ERICH3: variants seen among roughly 807,000 people sequenced by gnomAD.
ERICH3 encodes the protein glutamate-rich protein 3.
A neutral mutation model predicts 131.1 loss-of-function variants in ERICH3; 126 were observed. That is an observed-to-expected ratio of 0.96 (90% CI 0.83 to 1.11). ERICH3 has a LOEUF of 1.11. Ranked by LOEUF, ERICH3 falls within the 50% of genes most tolerant of loss-of-function variation. The pLI is 0.00. For missense variants in ERICH3, 2,050 were observed against 1,810.7 expected (o/e 1.13, Z -2.40); for synonymous variants, 695 against 644.6 (o/e 1.08, Z -1.18).
At position 74,571,690 on chromosome 1, in the gene ERICH3, C is replaced by T. The variant is rs566475800; in HGVS notation, c.4020G>A (p.Val1340=). Reference sequence around the variant, plus strand: ...TTTCACCACCTCCGTGTAGAACTTCCACAGCCACAACCCTTCCTCCTCCCA... The same window carrying T: ...TTTCACCACCTCCGTGTAGAACTTCTACAGCCACAACCCTTCCTCCTCCCA... ...EGMGGGRVVA[V]EVLHGGGETA... Residue 1340 remains valine, a synonymous_variant, in exon 14 of 15, where the codon GTG becomes GTA. Transcript: ENST00000326665. The T allele has an allele frequency of 6.2e-7, 1 of 1,614,064 alleles. No homozygotes were observed. The highest frequency in any genetic ancestry group is 8.5e-7 in the Non-Finnish European group (1 of 1,180,012).
intron 1 of ERICH3, among the ~76,000 whole-genome samples, chr1:74,660,182 A>G (rs1304100509): frequency 1.3e-5 from 2 of 151,994 alleles, no homozygotes; most frequent in Non-Finnish European, 2.9e-5. Context: ...TCCTGCCACC[A>G]TGTGAGGAAG....
At chr1:74,600,128 G>A (rs1648059355) in intron 10 of ERICH3, among the ~76,000 whole-genome samples, 197 bp from the exon 11 acceptor site, 1 of 151,644 alleles carries the variant, frequency 6.6e-6, no homozygotes, top group East Asian at 1.9e-4. Flanking sequence ...ATACACAAGA[G>A]CACAAAAGAA....
At chr1:74,575,906 T>C (rs1647044229) in intron 13 of ERICH3, among the ~76,000 whole-genome samples, 1 of 151,222 alleles carries the variant, frequency 6.6e-6, no homozygotes, top group Admixed American at 6.6e-5. Context: ...TTCTAAGAAA[T>C]ATTAGTATAA....
At chr1:74,643,613 A>G (rs1646454883) in intron 3 of ERICH3, among the ~76,000 whole-genome samples, 1 of 152,156 alleles carries the variant, frequency 6.6e-6, no homozygotes, top group South Asian at 2.1e-4. Flanking sequence ...CAGAAATACA[A>G]TTTAATTTAT....
intron 7 of ERICH3, among the ~76,000 whole-genome samples, chr1:74,621,227 C>A (rs939810952): frequency 2.0e-5 from 3 of 151,980 alleles, no homozygotes; most frequent in African/African-American, 7.2e-5. Context: ...TTATATATAG[C>A]AAAAATTTCA....
At chr1:74,663,980 A>G (rs1399131708) in intron 1 of ERICH3, among the ~76,000 whole-genome samples, 1 of 152,150 alleles carries the variant, frequency 6.6e-6, no homozygotes, top group Non-Finnish European at 1.5e-5. Context: ...AAAGATGTAG[A>G]CAGGTATGGT....
At position 74,571,259 on chromosome 1, in the gene ERICH3, C is replaced by T; in HGVS notation, c.4451G>A (p.Arg1484Lys). ...FRLGLSREGE[R>K]ELSPESLQAM... ...CTGTAGACTCTCCGGACTCAATTCC[C>T]TCTCTCCCTCCCGTGATAATCCTAA... The change falls in exon 14 of 15, where the codon AGG becomes AAG. Residue 1484 changes from arginine (R) to lysine (K), a missense_variant. Transcript: ENST00000326665. 1 of 1,614,072 alleles carries T rather than the reference C, an allele frequency of 6.2e-7. No homozygotes were observed. The highest frequency in any genetic ancestry group is 8.5e-7 in the Non-Finnish European group (1 of 1,179,996).
At chr1:74,634,697 C>T in intron 6 of ERICH3, 1 of 714,458 alleles carries the variant, frequency 1.4e-6, no homozygotes. Flanking sequence ...CATCCAAGTA[C>T]TATCTAGGGG....
At chr1:74,634,155 T>G (rs775835013) in intron 6 of ERICH3, among the ~76,000 whole-genome samples, 3 of 152,122 alleles carry the variant, frequency 2.0e-5, no homozygotes, top group Non-Finnish European at 4.4e-5. Flanking sequence ...TAAGAGCTTC[T>G]TGTCTGATTT....
chr1:74,602,143 T>C (rs1338746721), intron 10 of ERICH3, among the ~76,000 whole-genome samples: 3 of 151,848 alleles, frequency 2.0e-5, no homozygotes, highest in Non-Finnish European at 2.9e-5. Context: ...AGTTATATAA[T>C]TGAGGCACAG....
chr1:74,673,840 T>C (rs912276364), upstream of ERICH3: 2 of 314,138 alleles, frequency 6.4e-6, no homozygotes, highest in Non-Finnish European at 1.1e-5. Flanking sequence ...TCTACCCCTT[T>C]TTCTGGGCCC....
chr1:74,597,158 C>A (rs1469092469), intron 11 of ERICH3, among the ~76,000 whole-genome samples: 1 of 152,084 alleles, frequency 6.6e-6, no homozygotes, highest in East Asian at 1.9e-4. Context: ...AGGAATCCAT[C>A]ATGTCATTAT....
At chr1:74,666,687 CT>C (rs1327957847) in intron 1 of ERICH3, among the ~76,000 whole-genome samples, 1 of 152,142 alleles carries the variant, frequency 6.6e-6, no homozygotes, top group African/African-American at 2.4e-5. Flanking sequence ...CAAATGACTT[CT>C]GCTGTGCTGG....
chr1:74,643,107 A>G lies in ERICH3; in HGVS notation c.244-9T>C. ...TCAAGCTGATGGTAACGCTAAGCAT[A>G]CAGGAAAGAATAAAGGAGAGAATCA... On this transcript the variant is annotated splice_polypyrimidine_tract_variant and intron_variant, in intron 3 of 14. Coordinates refer to ENST00000326665, the MANE Select transcript of ERICH3 (RefSeq NM_001002912.5). The G allele has an allele frequency of 6.2e-7, 1 of 1,603,892 alleles. No homozygotes were observed.
chr1:74,669,861 G>T (rs752336853), intron 1 of ERICH3, among the ~76,000 whole-genome samples: 2 of 152,286 alleles, frequency 1.3e-5, no homozygotes, highest in Non-Finnish European at 2.9e-5. Context: ...TTGATTGGTG[G>T]CATTTGAGGG....
intron 12 of ERICH3, among the ~76,000 whole-genome samples, chr1:74,583,505 C>G (rs1166999909): frequency 2.0e-5 from 3 of 152,038 alleles, no homozygotes; most frequent in African/African-American, 4.8e-5. Context: ...TTCTCTCTCT[C>G]TCTGTCTGTC....
chr1:74,669,817 G>A (rs1202716240), intron 1 of ERICH3, among the ~76,000 whole-genome samples: 1 of 152,200 alleles, frequency 6.6e-6, no homozygotes, highest in African/African-American at 2.4e-5. Context: ...GAAATCAAAG[G>A]AAGCACTAAG....
intron 9 of ERICH3, among the ~76,000 whole-genome samples, chr1:74,611,517 G>A (rs902284778): frequency 1.5e-4 from 23 of 151,952 alleles, no homozygotes; most frequent in African/African-American, 5.1e-4. Context: ...CTCAAAACCC[G>A]CTTTAGAAGC....
At chr1:74,629,945 G>A (rs557288199) in intron 7 of ERICH3, among the ~76,000 whole-genome samples, 4 of 152,212 alleles carry the variant, frequency 2.6e-5, no homozygotes, top group Non-Finnish European at 5.9e-5. Flanking sequence ...GGAAAAAGGG[G>A]GCTCTTGCAT....
Sources: gnomAD v4.1 joint callset for allele counts (sites outside exome capture counted in the v4.1 genomes callset) on GRCh38, gnomAD v4.1.1 for gene constraint, MANE v1.5 for transcripts, NCBI Gene and HGNC (gene_info 2026-07-23, HGNC 2026-07-21) for gene names.